Variants in PDE1C observed in about 807,000 individuals in gnomAD.
PDE1C encodes dual specificity calcium/calmodulin-dependent 3',5'-cyclic nucleotide phosphodiesterase 1C.
Under a neutral mutation model 93.1 loss-of-function variants are expected in PDE1C, and 62 were observed. The observed-to-expected ratio is 0.67, with a 90% CI of 0.54 to 0.82. PDE1C has a LOEUF of 0.82. Among genes scored for constraint, PDE1C ranks in the 40% least tolerant of loss-of-function variants. PDE1C has a pLI of 0.00. For synonymous variants in PDE1C, 325 were observed against 310.1 expected (o/e 1.05, Z -0.50); for missense variants, 742 against 884.6 (o/e 0.84, Z 2.04).
intron 2 of PDE1C, among the ~76,000 whole-genome samples, chr7:31,962,462 T>C (rs1179914595): frequency 6.6e-6 from 1 of 152,186 alleles, no homozygotes; most frequent in Non-Finnish European, 1.5e-5. Flanking sequence ...CAAAGAGAAG[T>C]GAGTCATTTC....
intron 1 of PDE1C, among the ~76,000 whole-genome samples, chr7:32,336,554 T>C (rs1783630318): frequency 6.6e-6 from 1 of 152,184 alleles, no homozygotes; most frequent in Non-Finnish European, 1.5e-5. Flanking sequence ...GGAACTCTCT[T>C]AACTGGGAGT....
At chr7:32,384,417 G>A (rs534726279) in intron 1 of PDE1C, among the ~76,000 whole-genome samples, 82 of 152,170 alleles carry the variant, frequency 5.4e-4, no homozygotes, top group Non-Finnish European at 9.4e-4. Context: ...GGGAAGTATA[G>A]GGTACCATGG....
intron 1 of PDE1C, among the ~76,000 whole-genome samples, chr7:32,230,497 C>G (rs1337219311): frequency 6.6e-6 from 1 of 152,082 alleles, no homozygotes; most frequent in Non-Finnish European, 1.5e-5. Flanking sequence ...CCTTAAGACC[C>G]TCTAGAATCA....
chr7:31,960,108 C>G (rs1049964498), intron 2 of PDE1C, among the ~76,000 whole-genome samples: 1 of 152,082 alleles, frequency 6.6e-6, no homozygotes, highest in Non-Finnish European at 1.5e-5. Context: ...TCCTTGACCT[C>G]AGGTGATCCA....
intron 1 of PDE1C, chr7:32,052,229 C>T (rs1280626610): frequency 8.8e-6 from 4 of 455,436 alleles, no homozygotes; most frequent in East Asian, 6.8e-5. Context: ...AGGAACCATC[C>T]CCAGGAAGCA....
intron 3 of PDE1C, among the ~76,000 whole-genome samples, chr7:32,087,567 C>T (rs1217154876): frequency 1.3e-5 from 2 of 152,104 alleles, no homozygotes; most frequent in African/African-American, 2.4e-5. Context: ...TTTATTGCAG[C>T]ACTATTCACA....
the PDE1C span, among the ~76,000 whole-genome samples, chr7:31,661,476 C>T: frequency 6.6e-6 from 1 of 152,014 alleles, no homozygotes; most frequent in Non-Finnish European, 1.5e-5. Context: ...ACTTTGGGAG[C>T]CCCAGGTGGG....
At chr7:31,702,136 G>T in the PDE1C span, among the ~76,000 whole-genome samples, 1 of 151,496 alleles carries the variant, frequency 6.6e-6, no homozygotes, top group Non-Finnish European at 1.5e-5. Context: ...CATTCTACAG[G>T]TTATGCTATG....
In PDE1C at chr7:31,985,146, A is replaced by G. The variant is rs149181540; in HGVS notation, c.128+66408T>C. On this transcript the variant is annotated intron_variant, in intron 2 of 17. Transcript: ENST00000396191. ...CCATGAAAGGTTTATCAGCGCACGG[A>G]CAAGGGCCAAGAGTAGACTAGTAAG... Among the ~76,000 whole-genome samples, 10 of 152,330 alleles carry G rather than the reference A, an allele frequency of 6.6e-5. No homozygotes were observed. In the East Asian group the frequency reaches 1.9e-3, roughly 29 times the overall value.
intron 3 of PDE1C, among the ~76,000 whole-genome samples, chr7:32,101,376 T>C (rs1380501597): frequency 6.6e-6 from 1 of 152,188 alleles, no homozygotes; most frequent in African/African-American, 2.4e-5. Context: ...GTATTTACTA[T>C]GGTTTGGAAG....
chr7:31,857,562 G>A (rs1794174254), intron 7 of PDE1C, among the ~76,000 whole-genome samples: 1 of 152,138 alleles, frequency 6.6e-6, no homozygotes, highest in African/African-American at 2.4e-5. Flanking sequence ...CAGTCAAAGA[G>A]GTGGGAAGGA....
chr7:31,832,846 A>G (rs555007768), intron 11 of PDE1C, among the ~76,000 whole-genome samples: 1 of 152,212 alleles, frequency 6.6e-6, no homozygotes, highest in Non-Finnish European at 1.5e-5. Flanking sequence ...CATATGTTTA[A>G]GTAATTCATT....
chr7:32,085,101 G>T (rs1409778498), intron 3 of PDE1C, among the ~76,000 whole-genome samples: 1 of 147,386 alleles, frequency 6.8e-6, no homozygotes, highest in Non-Finnish European at 1.5e-5. Context: ...TTGATAGACC[G>T]CTAGCAAGAC....
chr7:31,854,429 G>A (rs934591412), intron 7 of PDE1C, among the ~76,000 whole-genome samples: 1 of 152,142 alleles, frequency 6.6e-6, no homozygotes, highest in East Asian at 1.9e-4. Context: ...TGGTGGCAAG[G>A]TACAAGTCAC....
At chr7:32,421,854 C>T (rs1583437133) in intron 1 of PDE1C, among the ~76,000 whole-genome samples, 1 of 152,176 alleles carries the variant, frequency 6.6e-6, no homozygotes, top group African/African-American at 2.4e-5. Context: ...AGCTTCCTAA[C>T]ATTTCTTCCC....
At chr7:32,427,589 G>A (rs1165835692) in intron 1 of PDE1C, among the ~76,000 whole-genome samples, 1 of 152,108 alleles carries the variant, frequency 6.6e-6, no homozygotes, top group African/African-American at 2.4e-5. Context: ...CTGGGGAAAG[G>A]GATCCTTAGG....
intron 1 of PDE1C, among the ~76,000 whole-genome samples, chr7:32,064,645 A>C (rs1795172613): frequency 6.6e-6 from 1 of 152,124 alleles, no homozygotes; most frequent in African/African-American, 2.4e-5. Context: ...CTTATAACTG[A>C]AAGGATAAAA....
At chr7:32,312,524 AC>A (rs1231303068) in intron 1 of PDE1C, among the ~76,000 whole-genome samples, 2 of 152,366 alleles carry the variant, frequency 1.3e-5, no homozygotes, top group South Asian at 4.1e-4. Context: ...GGCTACAGTA[AC>A]CAAAACAGCA....
At chr7:32,049,998 G>A (rs188561780) in intron 2 of PDE1C, among the ~76,000 whole-genome samples, 144 of 152,230 alleles carry the variant, frequency 9.5e-4, no homozygotes, top group African/African-American at 3.3e-3. Context: ...ATAGCCTATT[G>A]CTCCTAGGCT....
Sources: allele counts gnomAD v4.1 joint callset (sites outside exome capture counted in the v4.1 genomes callset), GRCh38; gene constraint gnomAD v4.1.1; transcripts MANE v1.5; gene names NCBI Gene and HGNC (gene_info 2026-07-23, HGNC 2026-07-21).